PACS2: variants seen among roughly 807,000 people sequenced by gnomAD.
The protein encoded by PACS2 is PACS1-like protein.
In PACS2, 36 loss-of-function variants were observed where a neutral mutation model predicts 113.0. The observed-to-expected ratio is 0.32, with a 90% CI of 0.24 to 0.42. The LOEUF is 0.42. Among genes scored for constraint, PACS2 ranks in the 10% least tolerant of loss-of-function variants. The probability of loss-of-function intolerance (pLI) is 1.00; values close to 1 mark genes in which losing one functional copy is unlikely to be tolerated. For synonymous variants in PACS2, 589 were observed against 536.1 expected (o/e 1.10, Z -1.36); for missense variants, 1,015 against 1,239.5 (o/e 0.82, Z 2.72).
rs782655286 is a variant in PACS2 at position 105,384,428 on chromosome 14, G to A, written c.1856G>A (p.Arg619Lys). 13 of 1,612,092 alleles carry A rather than the reference G, an allele frequency of 8.1e-6. No homozygotes were observed. Among genetic ancestry groups the A allele is most frequent in the South Asian group, 5.5e-5 (5 of 91,050 alleles). Reference sequence around the variant, plus strand: ...AACTTCTTCCAGGACCTGGCCTGGAGAGACCTGTTCAACAAGCTGGAGGCC... The same window carrying A: ...AACTTCTTCCAGGACCTGGCCTGGAAAGACCTGTTCAACAAGCTGGAGGCC... ...YNNFFQDLAWRDLFNKLEAQS... is the reference protein window; with the variant it reads ...YNNFFQDLAWKDLFNKLEAQS... Residue 619 changes from arginine (R) to lysine (K), a missense_variant, in exon 17 of 25, where the codon AGA becomes AAA. Coordinates refer to ENST00000447393, the MANE Select transcript of PACS2 (RefSeq NM_001100913.3).
intron 8 of PACS2, chr14:105,370,683 G>A (rs908112234): frequency 6.6e-6 from 1 of 152,340 alleles, no homozygotes; most frequent in African/African-American, 2.4e-5. Context: ...AACAGAGCGA[G>A]ACCCTGTCTC....
In PACS2 at chr14:105,384,360, C is replaced by T. The variant is rs782675417; in HGVS notation, c.1788C>T (p.His596=). The T allele has an allele frequency of 1.2e-6, 2 of 1,607,034 alleles. No homozygotes were observed. Among genetic ancestry groups the T allele is most frequent in the Admixed American group, 3.3e-5 (2 of 60,000 alleles). Residue 596 remains histidine, a synonymous_variant, in exon 17 of 25, where the codon CAC becomes CAT. Coordinates refer to ENST00000447393, the MANE Select transcript of PACS2 (RefSeq NM_001100913.3). ...CCCACCCCTGGCATGCAGGCTCCCA[C>T]CCCGTGGCCAGGTACCTAGGCTCCG... ...MRFLVIPLGS[H]PVARYLGSVD...
Position 105,394,704 on chromosome 14 carries a change from C to CTCACAGCATGGGGCAGG in PACS2, c.*32_*33insTCACAGCATGGGGCAGG. 1 of 1,397,886 alleles carries CTCACAGCATGGGGCAGG rather than the reference C, an allele frequency of 7.2e-7. No homozygotes were observed. Among genetic ancestry groups the CTCACAGCATGGGGCAGG allele is most frequent in the Non-Finnish European group, 1.0e-6 (1 of 983,098 alleles). 86.6% of individuals were successfully genotyped at this position (1,397,886 alleles called of 1,614,324 possible). On this transcript the variant is annotated 3_prime_UTR_variant, in exon 25 of 25. Transcript: ENST00000447393. ...CCACCAGGGGGCCCACCTCCTGCCCCATGCTGTGAGGGGCCCAGCTGCATT... is the reference window on the plus strand; with the variant it reads ...CCACCAGGGGGCCCACCTCCTGCCCCTCACAGCATGGGGCAGGATGCTGTGAGGGGCCCAGCTGCATT...
In PACS2 at chr14:105,357,710, T is replaced by TG. The variant is rs1555405570; in HGVS notation, c.423+2539dup. 6.6e-6 allele frequency among the ~76,000 whole-genome samples: 1 copy of TG among 150,456 alleles called. No individual in the cohort carries two copies. The highest frequency in any genetic ancestry group is 1.5e-5 in the Non-Finnish European group (1 of 67,616). ...CACAGACGGACACAGGTGGCAGAGG[T>TG]GGGGGGCTCTCACCAGCTGGGCTCA... On this transcript the variant is annotated intron_variant, in intron 4 of 24. Coordinates refer to ENST00000447393, the MANE Select transcript of PACS2 (RefSeq NM_001100913.3). This position sits in a 1 kb window ranked among gnomAD's most constrained non-coding sequence, Gnocchi z 5.1.
rs782540454 is a variant in PACS2, at chr14:105,376,154, C to G, written c.802-614C>G. Reference sequence around the variant, plus strand: ...AACCACCCCCAGGATCCAGTTACCTCCACTTGTCCTGCCCTTGGCACGTGG... The same window carrying G: ...AACCACCCCCAGGATCCAGTTACCTGCACTTGTCCTGCCCTTGGCACGTGG... On this transcript the variant is annotated intron_variant, in intron 8 of 24. Coordinates refer to ENST00000447393, the MANE Select transcript of PACS2 (RefSeq NM_001100913.3). The surrounding 1 kb of genome is among the most constrained non-coding windows in gnomAD (Gnocchi z 4.7). 7.2e-5 allele frequency among the ~76,000 whole-genome samples: 11 copies of G among 152,228 alleles called. 1 individual carries two copies. Among genetic ancestry groups the G allele is most frequent in the African/African-American group, 2.4e-4 (10 of 41,538 alleles).
chr14:105,386,384 C>T (rs1415806310), intron 19 of PACS2, among the ~76,000 whole-genome samples: 3 of 152,176 alleles, frequency 2.0e-5, no homozygotes, highest in Admixed American at 2.0e-4. Context: ...TTTCCAGCAT[C>T]TTGTGGCTTA....
intron 14 of PACS2, 51 bp from the exon 15 acceptor site, chr14:105,382,756 G>A (rs1336716800): frequency 1.7e-6 from 2 of 1,192,942 alleles, no homozygotes; most frequent in Admixed American, 1.8e-5. Flanking sequence ...CAGGTGCTGG[G>A]GGTGGCCTGG....
chr14:105,348,013 G>A lies in PACS2; in HGVS notation c.120-480G>A, dbSNP rs146833080. 0.011 allele frequency among the ~76,000 whole-genome samples: 1,645 copies of A among 152,338 alleles called. 14 individuals are homozygous for A. Among genetic ancestry groups the A allele is most frequent in the Admixed American group, 0.017 (261 of 15,304 alleles). ...AATGATGGAGGTGAAATGAACAGAA[G>A]GAAGGTTGGGGGAAAGCGTATCCCA... On this transcript the variant is annotated intron_variant, in intron 1 of 24. Coordinates refer to ENST00000447393, the MANE Select transcript of PACS2 (RefSeq NM_001100913.3). This position sits in a 1 kb window ranked among gnomAD's most constrained non-coding sequence, Gnocchi z 6.4.
chr14:105,377,208 C>T (rs1370495938), intron 9 of PACS2, among the ~76,000 whole-genome samples: 1 of 152,104 alleles, frequency 6.6e-6, no homozygotes, highest in Non-Finnish European at 1.5e-5. Context: ...GCTGGCTGGG[C>T]TGGGTGTGGC....
chr14:105,328,456 G>A (rs1407184377), intron 1 of PACS2, among the ~76,000 whole-genome samples: 2 of 152,198 alleles, frequency 1.3e-5, no homozygotes, highest in African/African-American at 2.4e-5. Flanking sequence ...GGACACGGAC[G>A]CTCCAGCCGC....
rs782319740 is a variant in PACS2 at position 105,376,762 on chromosome 14, G to A, written c.802-6G>A. The A allele has an allele frequency of 2.0e-5, 32 of 1,611,658 alleles. No homozygotes were observed. Among genetic ancestry groups the A allele is most frequent in the Admixed American group, 6.7e-5 (4 of 59,904 alleles). On this transcript the variant is annotated splice_region_variant and splice_polypyrimidine_tract_variant and intron_variant, in intron 8 of 24. Coordinates refer to ENST00000447393, the MANE Select transcript of PACS2 (RefSeq NM_001100913.3). This position sits in a 1 kb window ranked among gnomAD's most constrained non-coding sequence, Gnocchi z 4.7. Reference sequence around the variant, plus strand: ...GGGAACTCACGCGTGCCTGGCACCCGTGCAGGTCCTGGACTCGGAGCAGGA... The same window carrying A: ...GGGAACTCACGCGTGCCTGGCACCCATGCAGGTCCTGGACTCGGAGCAGGA...
chr14:105,394,059 GGT>G (rs1421860028), intron 24 of PACS2, among the ~76,000 whole-genome samples: 1 of 149,608 alleles, frequency 6.7e-6, no homozygotes, highest in African/African-American at 2.5e-5. Context: ...AAAAAAAAGG[GGT>G]TTTGGAGAAG....
rs1182154814 is a variant in PACS2, at chr14:105,324,681, T to A, written c.119+9644T>A. 6.6e-6 allele frequency among the ~76,000 whole-genome samples: 1 copy of A among 152,188 alleles called. No individual in the cohort carries two copies. Among genetic ancestry groups the A allele is most frequent in the Non-Finnish European group, 1.5e-5 (1 of 68,016 alleles). On this transcript the variant is annotated intron_variant, in intron 1 of 24. Transcript: ENST00000447393. This position sits in a 1 kb window ranked among gnomAD's most constrained non-coding sequence, Gnocchi z 4.7. ...TCATGGTGCTGGGGTCGTCAGCAGC[T>A]CCTCGAGGGCTCCGGCCTGTGGAGG...
chr14:105,304,877 G>A (rs984609906), intron 1 of PACS2, among the ~76,000 whole-genome samples: 20 of 152,162 alleles, frequency 1.3e-4, no homozygotes, highest in Admixed American at 3.9e-4. Context: ...AGAACAGCAC[G>A]GGAAAGACCT....
At chr14:105,313,925 C>A (rs1171524479), upstream of PACS2, among the ~76,000 whole-genome samples, 1 of 152,248 alleles carries the variant, frequency 6.6e-6, no homozygotes, top group Non-Finnish European at 1.5e-5. Flanking sequence ...TTGCTTGGGT[C>A]CCCAAGTTCA....
intron 1 of PACS2, among the ~76,000 whole-genome samples, chr14:105,322,578 T>C (rs1387527921): frequency 2.0e-5 from 3 of 152,234 alleles, no homozygotes; most frequent in Non-Finnish European, 4.4e-5. Context: ...CCCTGTACAT[T>C]TTAATGTGCA....
rs1291322609 is a variant in PACS2, at chr14:105,380,253, C to T, written c.1125+99C>T. ...GGAGGGGCGGGGCCCACATATAGGT[C>T]CTCATGTCACACCTGGTGTGCAGAG... On this transcript the variant is annotated intron_variant, in intron 11 of 24. Transcript: ENST00000447393. 9 of 961,154 alleles carry T rather than the reference C, an allele frequency of 9.4e-6. No homozygotes were observed. The East Asian group carries it at 2.1e-4, about 22-fold the overall frequency. The allele number at this position is 961,154 out of a possible 1,614,324, so 59.5% of individuals were successfully genotyped here.
At chr14:105,359,279 T>C (rs1219562605) in intron 4 of PACS2, among the ~76,000 whole-genome samples, 1 of 152,110 alleles carries the variant, frequency 6.6e-6, no homozygotes, top group Non-Finnish European at 1.5e-5. Flanking sequence ...TTAATGTCTT[T>C]TATACTTTAT....
intron 6 of PACS2, 107 bp from the exon 7 acceptor site, chr14:105,368,352 T>G (rs1294880744): frequency 1.4e-5 from 13 of 920,224 alleles, no homozygotes; most frequent in Non-Finnish European, 2.1e-5. Flanking sequence ...GGGACACAGG[T>G]GGGCTCTCAG....
Sources: allele counts gnomAD v4.1 joint callset (sites outside exome capture counted in the v4.1 genomes callset), GRCh38; gene constraint gnomAD v4.1.1; non-coding constraint Gnocchi (gnomAD v3.1); transcripts MANE v1.5; gene names NCBI Gene and HGNC (gene_info 2026-07-23, HGNC 2026-07-21).